The following BACE2 variants were observed in gnomAD, a reference collection of about 807,000 sequenced individuals.
BACE2 encodes the protein beta-secretase 2.
In BACE2, 17 loss-of-function variants were observed where a neutral mutation model predicts 46.2. The observed-to-expected ratio is 0.37, with a 90% CI of 0.25 to 0.55. The LOEUF (loss-of-function observed/expected upper bound fraction) is 0.55. Among genes scored for constraint, BACE2 ranks in the 20% least tolerant of loss-of-function variants. The pLI, the probability that BACE2 is intolerant of heterozygous loss-of-function variation, is 0.82. For synonymous variants in BACE2, 277 were observed against 295.9 expected, an observed-to-expected ratio of 0.94 and a Z score of 0.66; for missense variants, 595 against 698.1, an observed-to-expected ratio of 0.85 and a Z score of 1.66.
At chr21:41,210,768 A>AC (rs1447901646) in intron 1 of BACE2, among the ~76,000 whole-genome samples, 1 of 152,210 alleles carries the variant, frequency 6.6e-6, no homozygotes, top group African/African-American at 2.4e-5. Flanking sequence ...TTAGGGCCTA[A>AC]CTGTGATACA....
At chr21:41,240,103 G>A (rs1041205311) in intron 3 of BACE2, among the ~76,000 whole-genome samples, 2 of 152,238 alleles carry the variant, frequency 1.3e-5, no homozygotes, top group African/African-American at 4.8e-5. Context: ...GGAGACAGCA[G>A]TAGGACTCAT....
intron 1 of BACE2, among the ~76,000 whole-genome samples, chr21:41,194,801 T>A (rs1985683680): frequency 6.6e-6 from 1 of 152,072 alleles, no homozygotes; most frequent in African/African-American, 2.4e-5. Context: ...GAAAAAAAAA[T>A]AGCTTAATAA....
At chr21:41,254,622 G>A (rs954756949) in intron 7 of BACE2, among the ~76,000 whole-genome samples, 1 of 152,202 alleles carries the variant, frequency 6.6e-6, no homozygotes. Flanking sequence ...CTATCCAAAA[G>A]CCAAGAAATT....
chr21:41,168,316 T>C lies in BACE2; in HGVS notation c.53T>C (p.Leu18Pro), dbSNP rs190721616. The change falls in exon 1 of 9, where the codon CTG (leucine) becomes CCG (proline). Residue 18 changes from leucine (L) to proline (P), a missense_variant. Transcript: ENST00000330333. ...CTGCCTCTGCTGGCCCAGTGGCTCC[T>C]GCGCGCCGCCCCGGAGCTGGCCCCC... ...LLLPLLAQWL[L>P]RAAPELAPAP... is the part of the protein sequence containing the mutation. The C allele has an allele frequency of 7.5e-7, 1 of 1,331,230 alleles. No individual in the cohort carries two copies. The highest frequency in any genetic ancestry group is 9.6e-7 in the Non-Finnish European group (1 of 1,041,068). The allele number at this position is 1,331,230 out of a possible 1,614,324, so 82.5% of individuals were successfully genotyped here.
chr21:41,216,408 C>T (rs1281775539), intron 1 of BACE2, among the ~76,000 whole-genome samples: 1 of 152,220 alleles, frequency 6.6e-6, no homozygotes, highest in Non-Finnish European at 1.5e-5. Flanking sequence ...TGAGTTGAAC[C>T]TTCTTGAAAA....
At position 41,280,909 on chromosome 21, in the gene BACE2, G is replaced by A. The variant is rs1034056404; in HGVS notation, c.*5285G>A. ...TGTGTGCTTAAAAAGCACACCGTGGGTAGTGACTGGGCCAAGAGACATCAC... is the reference window on the plus strand; with the variant it reads ...TGTGTGCTTAAAAAGCACACCGTGGATAGTGACTGGGCCAAGAGACATCAC... On this transcript the variant is annotated 3_prime_UTR_variant, in exon 9 of 9. Transcript: ENST00000330333. 6.6e-6 allele frequency: 1 copy of A among 152,366 alleles called. No individual in the cohort carries two copies. Among genetic ancestry groups the A allele is most frequent in the East Asian group, 1.9e-4 (1 of 5,188 alleles). 9.4% of individuals were successfully genotyped at this position (152,366 alleles called of 1,614,324 possible).
intron 3 of BACE2, among the ~76,000 whole-genome samples, chr21:41,237,942 G>A (rs2837977): frequency 0.49 from 74,722 of 152,186 alleles, 21,028 homozygotes; most frequent in African/African-American, 0.77. Context: ...TGTAAGACAG[G>A]CAATAGCATT....
intron 8 of BACE2, among the ~76,000 whole-genome samples, chr21:41,260,281 A>G (rs972337762): frequency 6.6e-6 from 1 of 151,904 alleles, no homozygotes; most frequent in Non-Finnish European, 1.5e-5. Flanking sequence ...AGTACCTGGG[A>G]CTATAGCATG....
intron 7 of BACE2, among the ~76,000 whole-genome samples, chr21:41,251,694 C>T (rs1026826342): frequency 9.2e-5 from 14 of 151,736 alleles, no homozygotes; most frequent in Admixed American, 3.9e-4. Flanking sequence ...CCAGCTACCC[C>T]GGAGGCTGAG....
At chr21:41,251,246 G>A (rs1056314925) in intron 7 of BACE2, among the ~76,000 whole-genome samples, 1 of 152,190 alleles carries the variant, frequency 6.6e-6, no homozygotes, top group Non-Finnish European at 1.5e-5. Flanking sequence ...GTGGTAACAG[G>A]GACCTGGGAG....
chr21:41,241,791 G>T (rs1373634236), intron 3 of BACE2, 28 bp from the exon 4 acceptor site: 1 of 1,613,478 alleles, frequency 6.2e-7, no homozygotes. Context: ...GTCCTAAGCG[G>T]GTGCCCCTCT....
chr21:41,258,166 G>A (rs2837998), intron 8 of BACE2, among the ~76,000 whole-genome samples: 96,571 of 152,086 alleles, frequency 0.63, 31,014 homozygotes, highest in East Asian at 0.85. Flanking sequence ...GGTACATTGG[G>A]TTTGAAGTCA....
At chr21:41,208,421 C>T (rs1986197156) in intron 1 of BACE2, among the ~76,000 whole-genome samples, 2 of 152,296 alleles carry the variant, frequency 1.3e-5, no homozygotes, top group South Asian at 4.1e-4. Context: ...TCCATCCTTG[C>T]TGCTCTGCTC....
intron 1 of BACE2, among the ~76,000 whole-genome samples, chr21:41,199,684 G>A (rs1010741024): frequency 2.6e-5 from 4 of 152,142 alleles, no homozygotes; most frequent in African/African-American, 4.8e-5. Flanking sequence ...CTTCCTACTT[G>A]TTCTAGCCGG....
Position 41,237,534 on chromosome 21 carries a change from G to C in BACE2, c.423G>C (p.Lys141Asn). The C allele has an allele frequency of 6.2e-7, 1 of 1,614,152 alleles. No homozygotes were observed. Among genetic ancestry groups the C allele is most frequent in the Non-Finnish European group, 8.5e-7 (1 of 1,179,988 alleles). ...DTERSSTYRS[K>N]GFDVTVKYTQ... is the part of the protein sequence containing the mutation. Reference sequence around the variant, plus strand: ...CCAGGTCTAGCACATACCGCTCCAAGGGCTTTGACGTCACAGTGAAGTACA... The same window carrying C: ...CCAGGTCTAGCACATACCGCTCCAACGGCTTTGACGTCACAGTGAAGTACA... Residue 141 changes from lysine (K) to asparagine (N), a missense_variant, in exon 3 of 9, where the codon AAG (lysine) becomes AAC (asparagine). Lys to Asn is a moderately conservative substitution (Grantham distance 94, BLOSUM62 0). Around this residue, in one of 3 missense-constraint regions of BACE2, gnomAD observed 248 missense variants for 261.4 expected, o/e 0.95. Transcript: ENST00000330333.
chr21:41,203,387 G>T (rs1006190713), intron 1 of BACE2, among the ~76,000 whole-genome samples: 2 of 152,120 alleles, frequency 1.3e-5, no homozygotes, highest in Non-Finnish European at 2.9e-5. Context: ...GAGCCAGTAC[G>T]ACGGCCTTGA....
At chr21:41,246,881 G>GTT (rs1471146842) in intron 6 of BACE2, among the ~76,000 whole-genome samples, 1 of 152,180 alleles carries the variant, frequency 6.6e-6, no homozygotes, top group Non-Finnish European at 1.5e-5. Context: ...AGGGGTGGTT[G>GTT]TGAGTTTTGG....
At chr21:41,226,013 C>T (rs539186144) in intron 1 of BACE2, among the ~76,000 whole-genome samples, 2 of 152,216 alleles carry the variant, frequency 1.3e-5, no homozygotes, top group Non-Finnish European at 2.9e-5. Context: ...TTAACAGAAT[C>T]CATTCTCTTT....
intron 1 of BACE2, among the ~76,000 whole-genome samples, chr21:41,224,335 C>T (rs894441664): frequency 6.6e-6 from 1 of 151,096 alleles, no homozygotes; most frequent in Non-Finnish European, 1.5e-5. Flanking sequence ...CTGCCTCAGC[C>T]TCCCAAGTAG....
Sources: gnomAD v4.1 joint callset for allele counts (sites outside exome capture counted in the v4.1 genomes callset) on GRCh38, gnomAD v4.1.1 for gene constraint, gnomAD v4.1.1 regional missense constraint, MANE v1.5 for transcripts, NCBI Gene and HGNC (gene_info 2026-07-23, HGNC 2026-07-21) for gene names.